The following CEP350 variants were observed in gnomAD, a reference collection of about 807,000 sequenced individuals.
The protein encoded by CEP350 is centrosome-associated protein 350.
Under a neutral mutation model 331.8 loss-of-function variants are expected in CEP350, and 126 were observed. The observed-to-expected ratio is 0.38, with a 90% CI of 0.33 to 0.44. The LOEUF (loss-of-function observed/expected upper bound fraction) is 0.44. Ranked by LOEUF, CEP350 falls within the 20% of genes least tolerant of loss-of-function variation. The pLI, the probability that CEP350 is intolerant of heterozygous loss-of-function variation, is 1.00. For missense variants in CEP350, 3,406 were observed against 3,634.6 expected (o/e 0.94, Z 1.62); for synonymous variants, 1,200 against 1,259.5 (o/e 0.95, Z 1.00).
At chr1:180,005,089 A>T in intron 7 of CEP350, among the ~76,000 whole-genome samples, 1 of 136,944 alleles carries the variant, frequency 7.3e-6, no homozygotes. Flanking sequence ...TTTTTTTTAC[A>T]GCTTATCTAT....
At chr1:179,975,486 G>T (rs548479767) in intron 1 of CEP350, among the ~76,000 whole-genome samples, 102 of 151,990 alleles carry the variant, frequency 6.7e-4, no homozygotes, top group Admixed American at 1.3e-3. Context: ...ATGATGCTTT[G>T]AACAGAGGCA....
intron 27 of CEP350, among the ~76,000 whole-genome samples, 161 bp from the exon 28 acceptor site, chr1:180,074,861 A>T (rs1558142634): frequency 6.6e-6 from 1 of 152,194 alleles, no homozygotes; most frequent in Non-Finnish European, 1.5e-5. Flanking sequence ...AAGTTGACTC[A>T]TGAAAGCTTC....
Position 180,033,860 on chromosome 1 carries a change from A to G in CEP350, c.3726-2A>G. On this transcript the variant is annotated splice_acceptor_variant, in intron 15 of 37. Coordinates refer to ENST00000367607, the MANE Select transcript of CEP350 (RefSeq NM_014810.5). LOFTEE classifies it high-confidence loss of function. ...AATGTTTTTGTGGATCAAAACTTCT[A>G]GTGTCTCATCAGATAAGGGAAGATC... 6.2e-7 allele frequency: 1 copy of G among 1,612,694 alleles called. No individual in the cohort carries two copies. Among genetic ancestry groups the G allele is most frequent in the Non-Finnish European group, 8.5e-7 (1 of 1,178,968 alleles).
chr1:180,111,240 T>C lies in CEP350; in HGVS notation c.*79T>C. ...GCCTCCTGATGTACACCCATCGCCATCATAGCAAGAGTGCTTCTGGACCTT... is the reference window on the plus strand; with the variant it reads ...GCCTCCTGATGTACACCCATCGCCACCATAGCAAGAGTGCTTCTGGACCTT... On this transcript the variant is annotated 3_prime_UTR_variant, in exon 38 of 38. Coordinates refer to ENST00000367607, the MANE Select transcript of CEP350 (RefSeq NM_014810.5). 6.5e-7 allele frequency: 1 copy of C among 1,528,552 alleles called. No individual in the cohort carries two copies. The highest frequency in any genetic ancestry group is 8.9e-7 in the Non-Finnish European group (1 of 1,122,328). The allele number at this position is 1,528,552 out of a possible 1,614,324, so 94.7% of individuals were successfully genotyped here.
intron 30 of CEP350, among the ~76,000 whole-genome samples, chr1:180,082,958 A>G (rs1220399333): frequency 6.6e-6 from 1 of 152,184 alleles, no homozygotes; most frequent in Non-Finnish European, 1.5e-5. Context: ...CTTTCCTAGT[A>G]TGTCTTAACT....
chr1:180,080,640 T>C lies in CEP350; in HGVS notation c.6103T>C (p.Ser2035Pro). ...GCACTGTTATAGTTGGTCAGATGAG[T>C]CATTATCTATGACACAGTCAGGTAA... ...HQHCYSWSDE[S>P]LSMTQSETTS... Residue 2035 changes from serine (S) to proline (P), a missense_variant, in exon 30 of 38, where the codon TCA (serine) becomes CCA (proline). Coordinates refer to ENST00000367607, the MANE Select transcript of CEP350 (RefSeq NM_014810.5). 6.2e-7 allele frequency: 1 copy of C among 1,613,718 alleles called. No homozygotes were observed. Among genetic ancestry groups the C allele is most frequent in the Non-Finnish European group, 8.5e-7 (1 of 1,179,762 alleles).
At chr1:180,083,283 T>G (rs1254739087) in intron 30 of CEP350, among the ~76,000 whole-genome samples, 1 of 152,208 alleles carries the variant, frequency 6.6e-6, no homozygotes, top group African/African-American at 2.4e-5. Context: ...CCATGTGTAG[T>G]GAAATAAGCA....
chr1:180,032,634 CT>C (rs1182118947), intron 15 of CEP350, among the ~76,000 whole-genome samples: 74 of 145,332 alleles, frequency 5.1e-4, no homozygotes, highest in Admixed American at 4.8e-4. Context: ...TGTTTAACCT[CT>C]TTTTTTTTTT....
At chr1:180,038,329 A>C (rs1571904880) in intron 17 of CEP350, among the ~76,000 whole-genome samples, 1 of 152,120 alleles carries the variant, frequency 6.6e-6, no homozygotes. Context: ...GTTTTTAGCT[A>C]TTGTGAATAT....
chr1:180,026,523 A>G (rs1356912887), intron 14 of CEP350, among the ~76,000 whole-genome samples: 1 of 152,176 alleles, frequency 6.6e-6, no homozygotes, highest in Non-Finnish European at 1.5e-5. Context: ...CAGTGACATT[A>G]AGTACATTCA....
intron 14 of CEP350, among the ~76,000 whole-genome samples, chr1:180,028,121 A>G (rs925519443): frequency 1.3e-5 from 2 of 152,202 alleles, no homozygotes; most frequent in Non-Finnish European, 2.9e-5. Flanking sequence ...TCTGAGAATA[A>G]AAGAGCTCCA....
chr1:179,959,113 A>T (rs549504721), intron 1 of CEP350, among the ~76,000 whole-genome samples: 5 of 152,348 alleles, frequency 3.3e-5, no homozygotes, highest in African/African-American at 1.2e-4. Context: ...AGAGATCTAC[A>T]CATTTCATCA....
At chr1:180,090,940 T>A in intron 33 of CEP350, 144 bp downstream of exon 33, 3 of 713,746 alleles carry the variant, frequency 4.2e-6, no homozygotes, top group Non-Finnish European at 6.1e-6. Flanking sequence ...GTTACTTTTA[T>A]ATTTTAAAGT....
intron 27 of CEP350, among the ~76,000 whole-genome samples, chr1:180,069,199 C>T (rs1310924450): frequency 6.6e-6 from 1 of 152,188 alleles, no homozygotes; most frequent in Admixed American, 6.5e-5. Flanking sequence ...ATTTTAAATA[C>T]TCCTTTTACA....
Position 179,996,563 on chromosome 1 carries a change from G to T in CEP350, c.406G>T (p.Gly136Cys). ...TATTTTTTATTGTAGGGAAATCCAT[G>T]GTGCACCTTCCAATTTCAGTTCCAG... ...EPLVSYREIH[G>C]APSNFSSSHL... is the part of the protein sequence containing the mutation. The change falls in exon 6 of 38, where the codon GGT (glycine) becomes TGT (cysteine). Residue 136 changes from glycine (G) to cysteine (C), a missense_variant. Gly to Cys is a radical substitution (Grantham distance 159, BLOSUM62 -3). Coordinates refer to ENST00000367607, the MANE Select transcript of CEP350 (RefSeq NM_014810.5). 2 of 1,556,920 alleles carry T rather than the reference G, an allele frequency of 1.3e-6. No individual in the cohort carries two copies. The highest frequency in any genetic ancestry group is 1.2e-5 in the South Asian group (1 of 84,618).
chr1:179,999,396 T>C (rs1653707227), intron 6 of CEP350, among the ~76,000 whole-genome samples: 1 of 152,104 alleles, frequency 6.6e-6, no homozygotes, highest in African/African-American at 2.4e-5. Flanking sequence ...ATATGACTTT[T>C]GGAGGGGTTA....
At chr1:180,068,514 T>C (rs1189420783) in intron 27 of CEP350, among the ~76,000 whole-genome samples, 2 of 152,170 alleles carry the variant, frequency 1.3e-5, no homozygotes, top group Non-Finnish European at 1.5e-5. Context: ...AGGGATATTA[T>C]TTACAATTTA....
At chr1:180,077,619 C>T (rs1020401305) in intron 28 of CEP350, among the ~76,000 whole-genome samples, 3 of 137,616 alleles carry the variant, frequency 2.2e-5, no homozygotes, top group African/African-American at 8.1e-5. Context: ...GTGACCTGTT[C>T]GTGCCACTGC....
intron 14 of CEP350, among the ~76,000 whole-genome samples, chr1:180,029,101 T>C (rs1367863547): frequency 6.6e-6 from 1 of 152,116 alleles, no homozygotes; most frequent in Non-Finnish European, 1.5e-5. Flanking sequence ...TGTACAAAAA[T>C]TTACCCAGTG....
Sources: gnomAD v4.1 joint callset for allele counts (sites outside exome capture counted in the v4.1 genomes callset) on GRCh38, gnomAD v4.1.1 for gene constraint, MANE v1.5 for transcripts, NCBI Gene and HGNC (gene_info 2026-07-23, HGNC 2026-07-21) for gene names.